The following NKX6-3 variants were observed in gnomAD, a reference collection of about 807,000 sequenced individuals.
NKX6-3 encodes NK6 homeobox 3.
A neutral mutation model predicts 22.0 loss-of-function variants in NKX6-3; 17 were observed. That is an observed-to-expected ratio of 0.77 (90% CI 0.53 to 1.16). NKX6-3 has a LOEUF of 1.16. Ranked by LOEUF, NKX6-3 falls within the 50% of genes most tolerant of loss-of-function variation. The pLI, the probability that NKX6-3 is intolerant of heterozygous loss-of-function variation, is 0.00. For missense variants in NKX6-3, 363 were observed against 359.0 expected, an observed-to-expected ratio of 1.01 and a Z score of -0.09; for synonymous variants, 177 against 167.2, an observed-to-expected ratio of 1.06 and a Z score of -0.45.
chr8:41,646,793 G>C, intron 2 of NKX6-3, 99 bp from the exon 3 acceptor site: 1 of 1,444,422 alleles, frequency 6.9e-7, no homozygotes, highest in Non-Finnish European at 9.2e-7. Context: ...GCTCAACAAC[G>C]GAGTGACTGT....
chr8:41,647,438 TC>T, intron 2 of NKX6-3: 1 of 1,378,744 alleles, frequency 7.3e-7, no homozygotes. Flanking sequence ...GAAACCGGTT[TC>T]CCCGGGTCTA....
Position 41,650,420 on chromosome 8 carries a change from G to C in NKX6-3, c.73C>G (p.Pro25Ala). 1 of 1,535,746 alleles carries C rather than the reference G, an allele frequency of 6.5e-7. No homozygotes were observed. Residue 25 changes from proline to alanine, a missense_variant, in exon 1 of 3, where the codon CCG becomes GCG. By Grantham distance (27) the Pro-to-Ala change is conservative. Transcript: ENST00000518699. The stretch of plus-strand genomic sequence containing the variant: ...TTCTGCACAGAGTACTGGCACACCG[G>C]GGCCTTCATCTCCGGAAACTGAGCC... ...PLAQFPEMKA[P>A]VCQYSVQNSF...
intron 1 of NKX6-3, 88 bp downstream of exon 1, chr8:41,650,023 A>G (rs754032033): frequency 4.5e-5 from 62 of 1,379,372 alleles, no homozygotes; most frequent in Non-Finnish European, 5.3e-5. Context: ...GCGGAGGTGC[A>G]GGGTGCCCGG....
At chr8:41,647,768 T>A (rs891204030) in intron 2 of NKX6-3, among the ~76,000 whole-genome samples, 1 of 151,722 alleles carries the variant, frequency 6.6e-6, no homozygotes. Context: ...CTCTCCCAGC[T>A]CTCCCAGCCG....
chr8:41,649,487 G>A (rs529707935), intron 1 of NKX6-3, among the ~76,000 whole-genome samples: 12 of 152,290 alleles, frequency 7.9e-5, no homozygotes, highest in East Asian at 7.7e-4. Flanking sequence ...GGGATGGGTC[G>A]GCTGAGAAGA....
chr8:41,650,298 C>G lies in NKX6-3; in HGVS notation c.195G>C (p.Ala65=), dbSNP rs930445700. ...ITDILSRPVA[A]PNNSLLSGYP... ...AGCCGGAGAGGAGGCTGTTGTTCGG[C>G]GCAGCCACGGGCCTGCTCAGGATGT... is the stretch of plus-strand genomic sequence containing the variant. Residue 65 remains alanine (A), a synonymous_variant, in exon 1 of 3, where the codon GCG becomes GCC. Coordinates refer to ENST00000518699, the MANE Select transcript of NKX6-3 (RefSeq NM_001364841.2). 3.9e-6 allele frequency: 6 copies of G among 1,534,494 alleles called. No individual in the cohort carries two copies. The highest frequency in any genetic ancestry group is 5.2e-6 in the Non-Finnish European group (6 of 1,146,088).
chr8:41,650,747 G>T lies in NKX6-3; in HGVS notation c.-255C>A. ...TCTCTCCTTGCCCTGGCCGGACAGGGTGGCCCCCTAAGCCTCAGCTCAGAC... is the reference window on the plus strand; with the variant it reads ...TCTCTCCTTGCCCTGGCCGGACAGGTTGGCCCCCTAAGCCTCAGCTCAGAC... On this transcript the variant is annotated 5_prime_UTR_variant, in exon 1 of 3. Transcript: ENST00000518699. 4.1e-6 allele frequency: 2 copies of T among 483,316 alleles called. No individual in the cohort carries two copies. Among genetic ancestry groups the T allele is most frequent in the Non-Finnish European group, 7.4e-6 (2 of 269,594 alleles). 29.9% of individuals were successfully genotyped at this position (483,316 alleles called of 1,614,324 possible). A position where few individuals can be genotyped will look rare whatever the true frequency, so the allele number is the denominator to read the frequency against.
rs887974976 is a variant in NKX6-3 at position 41,646,252 on chromosome 8, C to G, written c.*197G>C. 2.9e-6 allele frequency: 2 copies of G among 701,262 alleles called. No homozygotes were observed. Among genetic ancestry groups the G allele is most frequent in the Middle Eastern group, 4.0e-4 (1 of 2,528 alleles). The allele number at this position is 701,262 out of a possible 1,614,324, so 43.4% of individuals were successfully genotyped here. On this transcript the variant is annotated 3_prime_UTR_variant, in exon 3 of 3. Coordinates refer to ENST00000518699, the MANE Select transcript of NKX6-3 (RefSeq NM_001364841.2). The stretch of plus-strand genomic sequence containing the variant: ...CTCCCTTAGCTAGGATGCCTGTCCC[C>G]TTTCCCTCCTTTTCCTCCTCCTCCC...
chr8:41,646,960 CCCTCCT>C (rs1226163028), intron 2 of NKX6-3, among the ~76,000 whole-genome samples: 1 of 83,326 alleles, frequency 1.2e-5, no homozygotes, highest in African/African-American at 5.0e-5. Flanking sequence ...CTCCCCCTCC[CCCTCCT>C]CCTCCTTCTC....
chr8:41,646,736 G>T (rs1329524808), intron 2 of NKX6-3, 42 bp from the exon 3 acceptor site: 2 of 1,518,992 alleles, frequency 1.3e-6, no homozygotes, highest in South Asian at 2.5e-5. Context: ...GGCACAGCGC[G>T]CACGGGACGC....
intron 1 of NKX6-3, 93 bp downstream of exon 1, chr8:41,650,017 AG>A: frequency 7.5e-7 from 1 of 1,329,528 alleles, no homozygotes; most frequent in Non-Finnish European, 1.0e-6. Flanking sequence ...GAGAGGGCGG[AG>A]GTGCAGGGTG....
Position 41,650,371 on chromosome 8 carries a change from G to A in NKX6-3, c.122C>T (p.Pro41Leu), listed in dbSNP as rs1199559785. Reference sequence around the variant, plus strand: ...GGCGGCCAGCTGGGGGCCCAGCCCTGGGGGGCTGAGCTTGTAGAAGGAGTT... The same window carrying A: ...GGCGGCCAGCTGGGGGCCCAGCCCTAGGGGGCTGAGCTTGTAGAAGGAGTT... Reference protein sequence around the residue: ...VQNSFYKLSPPGLGPQLAAGT... With the variant: ...VQNSFYKLSPLGLGPQLAAGT... Residue 41 changes from proline (P) to leucine (L), a missense_variant, in exon 1 of 3, where the codon CCA becomes CTA. Physicochemically the swap from Pro to Leu is moderately conservative, Grantham distance 98. This residue lies in a region of NKX6-3 where 175 missense variants were observed against 160.9 expected (regional missense o/e 1.09). Transcript: ENST00000518699. 8 of 1,534,814 alleles carry A rather than the reference G, an allele frequency of 5.2e-6. No individual in the cohort carries two copies.
Position 41,649,890 on chromosome 8 carries a change from T to A in NKX6-3, c.382+221A>T, listed in dbSNP as rs75912942. 7.5e-3 allele frequency among the ~76,000 whole-genome samples: 1,133 copies of A among 151,888 alleles called. 15 individuals carry two copies. The highest frequency in any genetic ancestry group is 0.026 in the African/African-American group (1,067 of 41,404). ...GAGGGCAGCTGAGGTGGCTGGCATGTGAGGGGGGTGGCTCAGACACCTGTG... is the reference window on the plus strand; with the variant it reads ...GAGGGCAGCTGAGGTGGCTGGCATGAGAGGGGGGTGGCTCAGACACCTGTG... On this transcript the variant is annotated intron_variant, in intron 1 of 2. Transcript: ENST00000518699.
chr8:41,648,057 C>T lies in NKX6-3; in HGVS notation c.552+9G>A. ...TGCAGGGCAGGTGCCATCTCCCGCA[C>T]AGACTTACCTTGACCTGCGACTCGG... On this transcript the variant is annotated intron_variant, in intron 2 of 2. Coordinates refer to ENST00000518699, the MANE Select transcript of NKX6-3 (RefSeq NM_001364841.2). The T allele has an allele frequency of 6.6e-7, 1 of 1,525,438 alleles. No individual in the cohort carries two copies. Among genetic ancestry groups the T allele is most frequent in the Non-Finnish European group, 8.8e-7 (1 of 1,138,554 alleles). The allele number at this position is 1,525,438 out of a possible 1,614,324, so 94.5% of individuals were successfully genotyped here. A position where few individuals can be genotyped will look rare whatever the true frequency, so the allele number is the denominator to read the frequency against.
rs1175863598 is a variant in NKX6-3, at chr8:41,650,299, G to A, written c.194C>T (p.Ala65Val). 2 of 1,534,480 alleles carry A rather than the reference G, an allele frequency of 1.3e-6. No individual in the cohort carries two copies. The highest frequency in any genetic ancestry group is 2.0e-5 in the Admixed American group (1 of 50,794). ...GCCGGAGAGGAGGCTGTTGTTCGGC[G>A]CAGCCACGGGCCTGCTCAGGATGTC... The part of the protein sequence containing the change: ...ITDILSRPVA[A>V]PNNSLLSGYP... The change falls in exon 1 of 3, where the codon GCG (alanine) becomes GTG (valine). Residue 65 changes from alanine to valine, a missense_variant. By Grantham distance (64) the Ala-to-Val change is moderately conservative (BLOSUM62 0). Around this residue, in one of 3 missense-constraint regions of NKX6-3, gnomAD observed 175 missense variants for 160.9 expected, o/e 1.09. Transcript: ENST00000518699.
rs182384769 is a variant in NKX6-3, at chr8:41,645,514, G to A, written c.*935C>T. 6.6e-6 allele frequency: 1 copy of A among 152,476 alleles called. No individual in the cohort carries two copies. Among genetic ancestry groups the A allele is most frequent in the Non-Finnish European group, 1.5e-5 (1 of 68,142 alleles). The allele number at this position is 152,476 out of a possible 1,614,324, so 9.4% of individuals were successfully genotyped here. ...TCTCCCTTCCTGCCTTGTTGGAGGG[G>A]TGCCGTTCTGGGGTCTTTCCCAGCC... On this transcript the variant is annotated 3_prime_UTR_variant, in exon 3 of 3. Coordinates refer to ENST00000518699, the MANE Select transcript of NKX6-3 (RefSeq NM_001364841.2).
intron 2 of NKX6-3, chr8:41,647,459 C>CCCCCTAAAT: frequency 1.6e-6 from 2 of 1,249,910 alleles, no homozygotes; most frequent in Non-Finnish European, 2.2e-6. Context: ...ATTTAGGGGG[C>CCCCCTAAAT]ATTTGGGGCC....
intron 1 of NKX6-3, among the ~76,000 whole-genome samples, chr8:41,649,449 G>A (rs1408992157): frequency 1.3e-5 from 2 of 152,154 alleles, no homozygotes; most frequent in Admixed American, 6.5e-5. Context: ...CTGGCATCAC[G>A]GGCCCACCCT....
At position 41,650,226 on chromosome 8, in the gene NKX6-3, G is replaced by GT; in HGVS notation, c.266dup (p.Tyr89Ter). The change falls in exon 1 of 3, where the codon TAC (tyrosine) becomes TAAC (stop). Residue 89 changes from tyrosine (Y) to a stop codon, truncating the protein, a stop_gained and frameshift_variant. Coordinates refer to ENST00000518699, the MANE Select transcript of NKX6-3 (RefSeq NM_001364841.2). LOFTEE classifies it high-confidence loss of function. ...GFGGLSSQGV[Y>*]YSPQVGNFSK... ...AAAAATTCCCTACCTGGGGGCTGTAGTAGACCCCCTGCGAGCTGAGCCCCC... is the reference window on the plus strand; with the variant it reads ...AAAAATTCCCTACCTGGGGGCTGTAGTTAGACCCCCTGCGAGCTGAGCCCCC... The GT allele has an allele frequency of 6.5e-7, 1 of 1,533,962 alleles. No individual in the cohort carries two copies. The highest frequency in any genetic ancestry group is 8.7e-7 in the Non-Finnish European group (1 of 1,145,858).
Sources: allele counts gnomAD v4.1 joint callset (sites outside exome capture counted in the v4.1 genomes callset), GRCh38; gene constraint gnomAD v4.1.1; regional missense constraint gnomAD v4.1.1; transcripts MANE v1.5; gene names NCBI Gene and HGNC (gene_info 2026-07-23, HGNC 2026-07-21).